Variants in SCNN1B observed in about 807,000 individuals in gnomAD.
SCNN1B encodes the protein sodium channel epithelial 1 subunit beta, also known as epithelial sodium channel subunit beta.
In SCNN1B, 46 loss-of-function variants were observed where a neutral mutation model predicts 65.3. The ratio of observed to expected loss-of-function variants is 0.70; its 90% CI spans 0.56 to 0.90. SCNN1B has a LOEUF of 0.90. Ranked by LOEUF, SCNN1B falls within the 40% of genes least tolerant of loss-of-function variation. The pLI is 0.00. For missense variants in SCNN1B, 751 were observed against 830.5 expected (o/e 0.90, Z 1.18); for synonymous variants, 349 against 330.6 (o/e 1.06, Z -0.60).
rs530143320 is a variant in SCNN1B at position 23,285,929 on chromosome 16, G to A, written n.178+2125G>A. ...GCAGAAGTTGCAGTGAGCCAAGATC[G>A]AGCCACTGCACTCCAGCCTGGGCAA... is the stretch of plus-strand genomic sequence containing the variant. On this transcript the variant is annotated intron_variant and non_coding_transcript_variant, in intron 2 of 3. Transcript: ENST00000569789. 5.9e-5 allele frequency among the ~76,000 whole-genome samples: 9 copies of A among 152,202 alleles called. No homozygotes were observed. In the South Asian group the frequency reaches 1.9e-3, roughly 32 times the overall value.
At chr16:23,358,913 G>A (rs968245708) in intron 4 of SCNN1B, among the ~76,000 whole-genome samples, 1 of 152,150 alleles carries the variant, frequency 6.6e-6, no homozygotes, top group East Asian at 1.9e-4. Flanking sequence ...TTAAAAAACA[G>A]CAACAAAAAC....
chr16:23,332,477 G>C (rs1961834197), intron 1 of SCNN1B, among the ~76,000 whole-genome samples: 1 of 152,050 alleles, frequency 6.6e-6, no homozygotes, highest in Non-Finnish European at 1.5e-5. Context: ...GATTACAGGA[G>C]TAAAGCACAG....
At chr16:23,305,573 TA>T (rs1961194677) in intron 1 of SCNN1B, among the ~76,000 whole-genome samples, 31 of 42,630 alleles carry the variant, frequency 7.3e-4, no homozygotes, top group Non-Finnish European at 1.1e-3. Flanking sequence ...TATATATATA[TA>T]TATTATATAT....
chr16:23,291,058 AT>A (rs1335782113), intron 2 of SCNN1B, among the ~76,000 whole-genome samples: 19 of 132,124 alleles, frequency 1.4e-4, no homozygotes, highest in East Asian at 4.5e-4. Context: ...TCTTTACCAC[AT>A]TTTTTTTTCT....
intron 2 of SCNN1B, among the ~76,000 whole-genome samples, chr16:23,286,390 G>C (rs1960851318): frequency 6.6e-6 from 1 of 152,234 alleles, no homozygotes; most frequent in Non-Finnish European, 1.5e-5. Context: ...TCAGGCCATA[G>C]AGAACTTACT....
In SCNN1B at chr16:23,296,723, C is replaced by T. The variant is rs926190928; in HGVS notation, n.178+12919C>T. Reference sequence around the variant, plus strand: ...GGCAATGAGATCGAAGATCAGAGGACGGGCGCAGTGCCTCAGGCCTGTAAT... The same window carrying T: ...GGCAATGAGATCGAAGATCAGAGGATGGGCGCAGTGCCTCAGGCCTGTAAT... On this transcript the variant is annotated intron_variant and non_coding_transcript_variant, in intron 2 of 3. Transcript: ENST00000569789. Among the ~76,000 whole-genome samples, 12 of 152,148 alleles carry T rather than the reference C, an allele frequency of 7.9e-5. No homozygotes were observed. The South Asian group carries it at 1.9e-3, about 24-fold the overall frequency.
At chr16:23,296,990 C>CAAAAA (rs57412418) in intron 2 of SCNN1B, among the ~76,000 whole-genome samples, 6 of 81,868 alleles carry the variant, frequency 7.3e-5, no homozygotes, top group Admixed American at 7.1e-4. Flanking sequence ...CATCTCAAAA[C>CAAAAA]AAAAAAAAAA....
chr16:23,323,555 TG>T (rs1486753837), intron 1 of SCNN1B: 1 of 702,992 alleles, frequency 1.4e-6, no homozygotes, highest in East Asian at 2.7e-5. Context: ...ATTTTACAGA[TG>T]GGGAAACCAG....
chr16:23,325,922 T>TAA (rs59140961), intron 1 of SCNN1B, among the ~76,000 whole-genome samples: 4,954 of 147,690 alleles, frequency 0.034, 134 homozygotes, highest in African/African-American at 0.042. Flanking sequence ...AATAAATAAA[T>TAA]ATAAATAAAA....
chr16:23,290,311 G>C (rs946568542), intron 2 of SCNN1B, among the ~76,000 whole-genome samples: 1 of 151,934 alleles, frequency 6.6e-6, no homozygotes, highest in African/African-American at 2.4e-5. Context: ...CAAACTCTAG[G>C]TTTTGTTTCT....
upstream of SCNN1B, among the ~76,000 whole-genome samples, chr16:23,300,361 GA>G (rs146514557): frequency 0.015 from 2,180 of 149,816 alleles, 28 homozygotes; most frequent in African/African-American, 0.029. Flanking sequence ...AAAAAAGACT[GA>G]AAAAAAAAGC....
intron 1 of SCNN1B, among the ~76,000 whole-genome samples, chr16:23,333,205 GGA>G (rs1340511410): frequency 4.3e-5 from 4 of 92,476 alleles, no homozygotes; most frequent in African/African-American, 1.8e-4. Flanking sequence ...AAGGAAGGAA[GGA>G]AGGAAGAAAG....
chr16:23,351,679 G>T (rs745411393), intron 2 of SCNN1B, among the ~76,000 whole-genome samples: 4 of 152,180 alleles, frequency 2.6e-5, no homozygotes, highest in Admixed American at 1.3e-4. Flanking sequence ...CAGGGTCTTG[G>T]GTAAATTGGA....
At chr16:23,314,127 C>T (rs1042911464) in intron 1 of SCNN1B, among the ~76,000 whole-genome samples, 4 of 152,136 alleles carry the variant, frequency 2.6e-5, no homozygotes, top group Non-Finnish European at 4.4e-5. Context: ...TGAAGCGATC[C>T]TCCCACCTCA....
At chr16:23,342,419 G>C (rs1371788411) in intron 1 of SCNN1B, among the ~76,000 whole-genome samples, 1 of 152,132 alleles carries the variant, frequency 6.6e-6, no homozygotes, top group African/African-American at 2.4e-5. Flanking sequence ...GGCTAATTTT[G>C]TATTTTTACT....
rs1217670669 is a variant in SCNN1B at position 23,333,141 on chromosome 16, GGAAGGAAA to G, written c.-8-15443_-8-15436del. ...AGGGAGGGAGGGAGGGAGGGAGGAA[GGAAGGAAA>G]GAAGGAAGGAAGGAAGGAAGGAAGG... On this transcript the variant is annotated intron_variant, in intron 1 of 12. Coordinates refer to ENST00000343070, the MANE Select transcript of SCNN1B (RefSeq NM_000336.3). Among the ~76,000 whole-genome samples, 75 of 100,902 alleles carry G rather than the reference GGAAGGAAA, an allele frequency of 7.4e-4. 1 individual carries two copies. The highest frequency in any genetic ancestry group is 1.6e-3 in the African/African-American group (36 of 21,966). The allele number at this position is 100,902 out of a possible 152,430, so 66.2% of individuals were successfully genotyped here.
intron 1 of SCNN1B, among the ~76,000 whole-genome samples, chr16:23,313,859 C>T (rs1166702097): frequency 6.6e-6 from 1 of 152,204 alleles, no homozygotes; most frequent in Non-Finnish European, 1.5e-5. Context: ...ATCTGCCCAC[C>T]TTGGCCTCCC....
intron 1 of SCNN1B, among the ~76,000 whole-genome samples, chr16:23,319,273 C>T (rs550926337): frequency 4.6e-5 from 7 of 152,246 alleles, no homozygotes; most frequent in Non-Finnish European, 8.8e-5. Flanking sequence ...GTCTTAATCT[C>T]CTGACCTCGT....
At chr16:23,309,437 T>A (rs373703715) in intron 1 of SCNN1B, among the ~76,000 whole-genome samples, 2 of 140,986 alleles carry the variant, frequency 1.4e-5, no homozygotes. Context: ...GATAGATAGA[T>A]AGACAGATAG....
Sources: allele counts gnomAD v4.1 joint callset (sites outside exome capture counted in the v4.1 genomes callset), GRCh38; gene constraint gnomAD v4.1.1; transcripts MANE v1.5; gene names NCBI Gene and HGNC (gene_info 2026-07-23, HGNC 2026-07-21).